The following ANKRD36 variants were observed in gnomAD, a reference collection of about 807,000 sequenced individuals.
ANKRD36 encodes ankyrin repeat domain 36.
ANKRD36 carries 179 observed loss-of-function variants against 278.1 expected under a neutral mutation model. That is an observed-to-expected ratio of 0.64 (90% CI 0.57 to 0.73). The LOEUF (loss-of-function observed/expected upper bound fraction) is 0.73, where lower values mean the gene tolerates loss of function less well. ANKRD36 is among the 30% of genes least tolerant of loss of function. The pLI is 0.00. For missense variants in ANKRD36, 1,159 were observed against 1,956.7 expected (o/e 0.59, Z 7.69); for synonymous variants, 320 against 641.1 (o/e 0.50, Z 7.57).
At position 97,217,354 on chromosome 2, in the gene ANKRD36, G is replaced by A. The variant is rs769918235; in HGVS notation, c.3757G>A (p.Gly1253Ser). The A allele has an allele frequency of 1.2e-5, 18 of 1,550,044 alleles. No individual in the cohort carries two copies. In the East Asian group the frequency reaches 1.2e-4, roughly 11 times the overall value. Residue 1253 changes from glycine to serine, a missense_variant, in exon 64 of 76, where the codon GGT becomes AGT. By Grantham distance (56) the Gly-to-Ser change is moderately conservative (BLOSUM62 0). Coordinates refer to ENST00000420699, the MANE Select transcript of ANKRD36 (RefSeq NM_001354587.1). ...GAATATTGCCACAAGAATAACAGGC[G>A]GTTGGAAATCTGGAACAGGTAATTT... ...LLNIATRITGGWKSGTEYPEN... is the reference protein window; with the variant it reads ...LLNIATRITGSWKSGTEYPEN...
intron 24 of ANKRD36, among the ~76,000 whole-genome samples, chr2:97,180,168 A>G (rs1225646048): frequency 6.6e-6 from 1 of 151,604 alleles, no homozygotes; most frequent in Non-Finnish European, 1.5e-5. Context: ...AAACCATTGG[A>G]GAGAAGTTCA....
intron 22 of ANKRD36, among the ~76,000 whole-genome samples, chr2:97,170,308 T>C (rs1311973839): frequency 6.6e-6 from 1 of 151,616 alleles, no homozygotes; most frequent in Non-Finnish European, 1.5e-5. Flanking sequence ...CAAACTATAC[T>C]ACAAGGCTAC....
chr2:97,202,269 T>G (rs1391370602), intron 47 of ANKRD36, 39 bp downstream of exon 47: 1 of 1,605,642 alleles, frequency 6.2e-7, no homozygotes, highest in Admixed American at 1.7e-5. Context: ...CGAGTTAATG[T>G]ATGGTCTATG....
In ANKRD36 at chr2:97,211,992, A is replaced by G. The variant is rs183851157; in HGVS notation, c.3469+251A>G. 5.3e-4 allele frequency among the ~76,000 whole-genome samples: 81 copies of G among 151,864 alleles called. 1 individual carries two copies. The highest frequency in any genetic ancestry group is 5.3e-3 in the Admixed American group (81 of 15,210). Reference sequence around the variant, plus strand: ...CCATCTGACAGCAATTCAACACATAACAGGCTCAGGGGACAGCATCATTTT... The same window carrying G: ...CCATCTGACAGCAATTCAACACATAGCAGGCTCAGGGGACAGCATCATTTT... On this transcript the variant is annotated intron_variant, in intron 58 of 75. Transcript: ENST00000420699.
At chr2:97,196,450 A>G (rs2059791712) in intron 40 of ANKRD36, 143 bp from the exon 41 acceptor site, 10 of 1,466,844 alleles carry the variant, frequency 6.8e-6, no homozygotes, top group South Asian at 1.2e-5. Context: ...GTCATGTTCT[A>G]GTCCCCAGAC....
rs1261579424 is a variant in ANKRD36 at position 97,211,589 on chromosome 2, A to C, written c.3396+15A>C. On this transcript the variant is annotated intron_variant, in intron 57 of 75. Coordinates refer to ENST00000420699, the MANE Select transcript of ANKRD36 (RefSeq NM_001354587.1). ...CAGCATTGAAGGTAATTAAGCTCTC[A>C]TTTATATTTTGAACTATTAACTGTA... The C allele has an allele frequency of 1.2e-6, 2 of 1,607,028 alleles. No individual in the cohort carries two copies. Among genetic ancestry groups the C allele is most frequent in the Non-Finnish European group, 1.7e-6 (2 of 1,176,008 alleles).
intron 66 of ANKRD36, among the ~76,000 whole-genome samples, chr2:97,219,485 G>GT (rs2066826131): frequency 6.6e-6 from 1 of 151,708 alleles, no homozygotes; most frequent in Admixed American, 6.6e-5. Context: ...GTTTTGTTTT[G>GT]TTTTTTGTTT....
intron 17 of ANKRD36, among the ~76,000 whole-genome samples, chr2:97,160,144 T>C (rs1370928621): frequency 1.3e-5 from 2 of 152,276 alleles, no homozygotes; most frequent in Non-Finnish European, 2.9e-5. Context: ...AAAAATATAT[T>C]TTTAACCTGG....
At chr2:97,195,369 G>A (rs1171959178) in intron 40 of ANKRD36, among the ~76,000 whole-genome samples, 1 of 151,970 alleles carries the variant, frequency 6.6e-6, no homozygotes, top group Non-Finnish European at 1.5e-5. Context: ...TCTGAATGAA[G>A]ACGGATTGTG....
rs538672155 is a variant in ANKRD36, at chr2:97,159,112, A to G, written c.1389+457A>G. The stretch of plus-strand genomic sequence containing the variant: ...CTCAAAAACAGTGAATTTAAATGAC[A>G]GTAGAATGTCTCCATATCAAATTAT... On this transcript the variant is annotated intron_variant, in intron 17 of 75. Coordinates refer to ENST00000420699, the MANE Select transcript of ANKRD36 (RefSeq NM_001354587.1). Among the ~76,000 whole-genome samples, 169 of 152,140 alleles carry G rather than the reference A, an allele frequency of 1.1e-3. 3 individuals are homozygous for G. Among genetic ancestry groups the G allele is most frequent in the African/African-American group, 3.9e-3 (162 of 41,568 alleles).
intron 48 of ANKRD36, among the ~76,000 whole-genome samples, chr2:97,202,685 C>T (rs764900071): frequency 6.6e-6 from 1 of 151,800 alleles, no homozygotes; most frequent in African/African-American, 2.4e-5. Context: ...AATCCTCCAG[C>T]TTGTTTTCAG....
At chr2:97,243,191 T>G (rs1158542923) in intron 69 of ANKRD36, among the ~76,000 whole-genome samples, 3 of 144,132 alleles carry the variant, frequency 2.1e-5, no homozygotes, top group African/African-American at 7.3e-5. Flanking sequence ...GGGTGCAGCT[T>G]GGTTTTATAC....
At chr2:97,156,830 C>T (rs1404480013) in intron 15 of ANKRD36, among the ~76,000 whole-genome samples, 1 of 149,718 alleles carries the variant, frequency 6.7e-6, no homozygotes. Context: ...AGTTTACAGT[C>T]CCACCAACAG....
At chr2:97,154,771 C>T (rs1187923602) in intron 15 of ANKRD36, 30 bp downstream of exon 15, 4 of 1,433,342 alleles carry the variant, frequency 2.8e-6, no homozygotes, top group Non-Finnish European at 3.8e-6. Context: ...AATTAATTTT[C>T]TCATTCTGAA....
chr2:97,158,234 T>C (rs13011421), intron 16 of ANKRD36, 67 bp downstream of exon 16: 702,324 of 1,244,840 alleles, frequency 0.56, 164,671 homozygotes, highest in Non-Finnish European at 0.62. Flanking sequence ...TTTTTCTTTC[T>C]TATTTTTTGT....
rs2054524895 is a variant in ANKRD36 at position 97,177,201 on chromosome 2, T to C, written c.1634-2537T>C. ...GAGGATACAAACAAATGGAAGAACA[T>C]TCCATGCTCATGCATAGGAAGAATC... On this transcript the variant is annotated intron_variant, in intron 22 of 75. Transcript: ENST00000420699. Among the ~76,000 whole-genome samples the C allele has an allele frequency of 2.0e-5, 3 of 151,866 alleles. No individual in the cohort carries two copies. The Admixed American group carries it at 2.0e-4, about 10-fold the overall frequency.
At chr2:97,181,576 A>T (rs751088375) in intron 24 of ANKRD36, 22 bp from the exon 25 acceptor site, 7 of 1,603,256 alleles carry the variant, frequency 4.4e-6, no homozygotes, top group African/African-American at 1.3e-5. Context: ...GTGAGTGATT[A>T]TGTTTCCCTT....
chr2:97,198,238 A>C (rs1285038295), intron 42 of ANKRD36, among the ~76,000 whole-genome samples: 9 of 152,052 alleles, frequency 5.9e-5, no homozygotes, highest in Non-Finnish European at 1.2e-4. Context: ...GGCATATGAC[A>C]AATCATACCA....
intron 22 of ANKRD36, among the ~76,000 whole-genome samples, chr2:97,171,468 G>A (rs1288653199): frequency 4.4e-5 from 6 of 135,204 alleles, no homozygotes; most frequent in Non-Finnish European, 9.4e-5. Context: ...ACCAAACACC[G>A]CATATTCTCA....
Sources: gnomAD v4.1 joint callset for allele counts (sites outside exome capture counted in the v4.1 genomes callset) on GRCh38, gnomAD v4.1.1 for gene constraint, MANE v1.5 for transcripts, NCBI Gene and HGNC (gene_info 2026-07-23, HGNC 2026-07-21) for gene names.